The following MLXIPL variants were observed in gnomAD, a reference collection of about 807,000 sequenced individuals.
MLXIPL encodes MLX interacting protein like.
A neutral mutation model predicts 81.5 loss-of-function variants in MLXIPL; 49 were observed. The ratio of observed to expected loss-of-function variants is 0.60; its 90% CI spans 0.48 to 0.76. MLXIPL has a LOEUF of 0.76. MLXIPL is among the 30% of genes least tolerant of loss of function. The pLI, the probability that MLXIPL is intolerant of heterozygous loss-of-function variation, is 0.00. For missense variants in MLXIPL, 1,053 were observed against 1,167.0 expected, an observed-to-expected ratio of 0.90 and a Z score of 1.42; for synonymous variants, 466 against 485.5, an observed-to-expected ratio of 0.96 and a Z score of 0.53.
chr7:73,593,683 C>T lies in MLXIPL; in HGVS notation c.*182G>A, dbSNP rs1311347268. Reference sequence around the variant, plus strand: ...CACAGTGGCAGAGCAGGGACGGGGACTCTGCTCTTCTTGACCTCCAGGAGG... The same window carrying T: ...CACAGTGGCAGAGCAGGGACGGGGATTCTGCTCTTCTTGACCTCCAGGAGG... On this transcript the variant is annotated 3_prime_UTR_variant, in exon 17 of 17. Coordinates refer to ENST00000313375, the MANE Select transcript of MLXIPL (RefSeq NM_032951.3). 1 of 622,132 alleles carries T rather than the reference C, an allele frequency of 1.6e-6. No homozygotes were observed. 38.5% of individuals were successfully genotyped at this position (622,132 alleles called of 1,614,324 possible). A position where few individuals can be genotyped will look rare whatever the true frequency, so the allele number is the denominator to read the frequency against.
intron 7 of MLXIPL, among the ~76,000 whole-genome samples, chr7:73,601,445 T>C (rs1794816320): frequency 6.6e-6 from 1 of 151,948 alleles, no homozygotes; most frequent in Non-Finnish European, 1.5e-5. Flanking sequence ...AAGTCCCCCT[T>C]CCCATCCCCT....
intron 15 of MLXIPL, among the ~76,000 whole-genome samples, chr7:73,594,988 G>A (rs1794158242): frequency 6.6e-6 from 1 of 152,064 alleles, no homozygotes. Flanking sequence ...TGGGATTACA[G>A]GCACATGCCA....
the MLXIPL span, among the ~76,000 whole-genome samples, chr7:73,630,286 T>TG: frequency 4.4e-4 from 1 of 2,294 alleles, no homozygotes; most frequent in Non-Finnish European, 1.1e-3. Flanking sequence ...CCAGCTTGTC[T>TG]TTTTTTTTTT....
At chr7:73,599,271 C>A (rs1794593641) in intron 8 of MLXIPL, among the ~76,000 whole-genome samples, 1 of 151,734 alleles carries the variant, frequency 6.6e-6, no homozygotes, top group African/African-American at 2.4e-5. Context: ...CTCCAGGAAG[C>A]CTTCCACAAG....
Position 73,594,299 on chromosome 7 carries a change from G to A in MLXIPL, c.2415C>T (p.Tyr805=). The A allele has an allele frequency of 6.2e-7, 1 of 1,612,272 alleles. No individual in the cohort carries two copies. Among genetic ancestry groups the A allele is most frequent in the Non-Finnish European group, 8.5e-7 (1 of 1,180,012 alleles). The part of the protein sequence containing the change: ...RQTSLAWLDQ[Y]CSLPALRPTV... ...TTGGCCGGAGAGCGGGCAGAGAGCA[G>A]TACTGGTCCAGCCAGGCCAGTGAGG... is the stretch of plus-strand genomic sequence containing the variant. The change falls in exon 16 of 17, where the codon TAC becomes TAT. Residue 805 remains tyrosine (Y), a synonymous_variant. Coordinates refer to ENST00000313375, the MANE Select transcript of MLXIPL (RefSeq NM_032951.3).
At chr7:73,603,199 G>A (rs570294774) in intron 7 of MLXIPL, among the ~76,000 whole-genome samples, 1 of 152,304 alleles carries the variant, frequency 6.6e-6, no homozygotes, top group East Asian at 1.9e-4. Context: ...CTGCCGTCTT[G>A]GTGGTACCAG....
Position 73,596,076 on chromosome 7 carries a change from C to T in MLXIPL, c.2058+77G>A, listed in dbSNP as rs2116169719. ...CAAGAGTGTCTGGAGCACTCCCCTG[C>T]AATTGAGTTTTGGGTGGGGGGGGTC... On this transcript the variant is annotated intron_variant, in intron 13 of 16. Coordinates refer to ENST00000313375, the MANE Select transcript of MLXIPL (RefSeq NM_032951.3). This position sits in a 1 kb window ranked among gnomAD's most constrained non-coding sequence, Gnocchi z 4.7. 2 of 1,598,168 alleles carry T rather than the reference C, an allele frequency of 1.3e-6. No homozygotes were observed. Among genetic ancestry groups the T allele is most frequent in the South Asian group, 1.1e-5 (1 of 90,250 alleles).
At chr7:73,622,137 C>T (rs962460230) in intron 1 of MLXIPL, among the ~76,000 whole-genome samples, 2 of 150,586 alleles carry the variant, frequency 1.3e-5, no homozygotes, top group South Asian at 2.1e-4. Context: ...GTGATCCTCC[C>T]ACCTCAGACT....
intron 7 of MLXIPL, 86 bp from the exon 8 acceptor site, chr7:73,599,781 C>A: frequency 7.2e-7 from 1 of 1,385,762 alleles, no homozygotes; most frequent in South Asian, 1.3e-5. Context: ...CTGTCCCCAG[C>A]CTTGGCGGGT....
chr7:73,639,205 T>G, the MLXIPL span, among the ~76,000 whole-genome samples: 1 of 152,138 alleles, frequency 6.6e-6, no homozygotes. Context: ...GAAACAGAAA[T>G]GCCAGGAGGG....
intron 1 of MLXIPL, among the ~76,000 whole-genome samples, chr7:73,620,468 C>T (rs782369840): frequency 6.6e-6 from 1 of 150,748 alleles, no homozygotes; most frequent in Non-Finnish European, 1.5e-5. Flanking sequence ...GAGCTGGGCC[C>T]AGTAGCTCAC....
At chr7:73,647,636 C>A in the MLXIPL span, among the ~76,000 whole-genome samples, 2 of 152,196 alleles carry the variant, frequency 1.3e-5, no homozygotes, top group East Asian at 1.9e-4. Flanking sequence ...AGCCTATGAA[C>A]CCCTTCAACC....
At chr7:73,612,659 A>T (rs1437592174) in intron 2 of MLXIPL, among the ~76,000 whole-genome samples, 69 of 146,548 alleles carry the variant, frequency 4.7e-4, no homozygotes, top group African/African-American at 1.6e-3. Context: ...AAAAAAAAAA[A>T]GTTTGTCCAG....
chr7:73,594,073 T>C lies in MLXIPL; in HGVS notation c.2441-90A>G, dbSNP rs1262286513. On this transcript the variant is annotated intron_variant, in intron 16 of 16. Transcript: ENST00000313375. ...GGAACCAAAGGGATAGGGGGAGGTA[T>C]TAGTTGGCAAGACTGTCACCCCCTC... 3 of 1,389,764 alleles carry C rather than the reference T, an allele frequency of 2.2e-6. No individual in the cohort carries two copies. The African/African-American group carries it at 4.3e-5, about 20-fold the overall frequency. The allele number at this position is 1,389,764 out of a possible 1,614,324, so 86.1% of individuals were successfully genotyped here.
intron 8 of MLXIPL, among the ~76,000 whole-genome samples, chr7:73,598,135 C>T (rs1341327803): frequency 6.6e-6 from 1 of 152,004 alleles, no homozygotes; most frequent in Non-Finnish European, 1.5e-5. Context: ...CATCCATCCA[C>T]TAACTTCACC....
the MLXIPL span, among the ~76,000 whole-genome samples, chr7:73,633,298 G>A: frequency 1.3e-5 from 2 of 149,864 alleles, no homozygotes; most frequent in Non-Finnish European, 3.0e-5. Flanking sequence ...TAACCAGGAT[G>A]GTCTCAATCT....
At chr7:73,615,845 G>A (rs13229619) in intron 2 of MLXIPL, among the ~76,000 whole-genome samples, 17,537 of 150,916 alleles carry the variant, frequency 0.12, 1,054 homozygotes, top group Middle Eastern at 0.13. Flanking sequence ...CCTGGGAGGC[G>A]GAAGTTGCAG....
chr7:73,598,859 C>T (rs1337149182), intron 8 of MLXIPL, among the ~76,000 whole-genome samples: 1 of 152,004 alleles, frequency 6.6e-6, no homozygotes. Context: ...GTGGCTCACA[C>T]CTGTAATCCC....
intron 1 of MLXIPL, 102 bp from the exon 2 acceptor site, chr7:73,616,279 T>G: frequency 9.2e-7 from 1 of 1,084,452 alleles, no homozygotes; most frequent in Non-Finnish European, 1.4e-6. Flanking sequence ...GGTTGGCATT[T>G]GAGGGGCCCC....
Sources: allele counts gnomAD v4.1 joint callset (sites outside exome capture counted in the v4.1 genomes callset), GRCh38; gene constraint gnomAD v4.1.1; non-coding constraint Gnocchi (gnomAD v3.1); transcripts MANE v1.5; gene names NCBI Gene and HGNC (gene_info 2026-07-23, HGNC 2026-07-21).